Variants in CACNA2D1 observed in about 807,000 individuals in gnomAD.
The protein encoded by CACNA2D1 is calcium voltage-gated channel auxiliary subunit alpha2delta 1.
Under a neutral mutation model 171.5 loss-of-function variants are expected in CACNA2D1, and 53 were observed. The observed-to-expected ratio is 0.31, with a 90% CI of 0.25 to 0.39. CACNA2D1 has a LOEUF of 0.39. Among genes scored for constraint, CACNA2D1 ranks in the 10% least tolerant of loss-of-function variants. The probability of loss-of-function intolerance (pLI) is 1.00; values close to 1 mark genes in which losing one functional copy is unlikely to be tolerated. For synonymous variants in CACNA2D1, 442 were observed against 443.1 expected (o/e 1.00, Z 0.03); for missense variants, 903 against 1,299.8 (o/e 0.69, Z 4.69).
At chr7:82,212,716 TTACAA>T (rs1389602906) in intron 3 of CACNA2D1, among the ~76,000 whole-genome samples, 4 of 152,242 alleles carry the variant, frequency 2.6e-5, no homozygotes, top group South Asian at 2.1e-4. Flanking sequence ...TCAGTTTATG[TTACAA>T]TACATTTTTT....
At chr7:82,265,166 C>T (rs1047222159) in intron 3 of CACNA2D1, among the ~76,000 whole-genome samples, 3 of 152,152 alleles carry the variant, frequency 2.0e-5, no homozygotes, top group South Asian at 2.1e-4. Flanking sequence ...ATCTGACAGG[C>T]GATACATGGC....
intron 1 of CACNA2D1, among the ~76,000 whole-genome samples, chr7:82,380,739 C>T (rs1035545175): frequency 6.6e-6 from 1 of 152,034 alleles, no homozygotes; most frequent in Admixed American, 6.6e-5. Flanking sequence ...CTGTCACCCA[C>T]ACTGGTGTGC....
chr7:82,144,733 C>T (rs1402390714), intron 4 of CACNA2D1, among the ~76,000 whole-genome samples: 4 of 151,932 alleles, frequency 2.6e-5, no homozygotes, highest in Non-Finnish European at 4.4e-5. Flanking sequence ...TAATCATTAC[C>T]ATTTTTAAAA....
chr7:82,282,140 T>C (rs1810189570), intron 3 of CACNA2D1, among the ~76,000 whole-genome samples: 1 of 151,742 alleles, frequency 6.6e-6, no homozygotes. Context: ...CTACTAAAAA[T>C]ACAAAAAGTT....
At chr7:82,171,117 T>C (rs572346103) in intron 3 of CACNA2D1, among the ~76,000 whole-genome samples, 2 of 152,204 alleles carry the variant, frequency 1.3e-5, no homozygotes, top group South Asian at 2.1e-4. Flanking sequence ...ACATCTTTAG[T>C]AGTTCTTTCA....
intron 5 of CACNA2D1, among the ~76,000 whole-genome samples, chr7:82,123,212 T>TTATTG (rs1170288760): frequency 5.9e-5 from 9 of 152,204 alleles, no homozygotes; most frequent in African/African-American, 2.2e-4. Context: ...GTCTACCTTT[T>TTATTG]TATTGGTTTT....
At chr7:82,419,632 A>G (rs1349154211) in intron 1 of CACNA2D1, among the ~76,000 whole-genome samples, 1 of 152,236 alleles carries the variant, frequency 6.6e-6, no homozygotes, top group Admixed American at 6.5e-5. Context: ...TTAGAAAATA[A>G]TTTGAACTAC....
intron 3 of CACNA2D1, among the ~76,000 whole-genome samples, chr7:82,229,821 T>C (rs2129274285): frequency 1.3e-5 from 2 of 152,172 alleles, no homozygotes; most frequent in East Asian, 1.9e-4. Context: ...TGAGCCACCA[T>C]GACCAGCCTC....
intron 10 of CACNA2D1, among the ~76,000 whole-genome samples, chr7:82,052,128 T>C (rs1404029920): frequency 6.6e-6 from 1 of 152,180 alleles, no homozygotes; most frequent in Non-Finnish European, 1.5e-5. Flanking sequence ...AAAGTGTTAA[T>C]ATAGATTGCA....
intron 12 of CACNA2D1, among the ~76,000 whole-genome samples, chr7:82,032,393 G>T (rs938989814): frequency 1.6e-4 from 25 of 151,580 alleles, no homozygotes; most frequent in African/African-American, 6.1e-4. Context: ...CATTTTTTGA[G>T]TATTTAGGAA....
chr7:82,002,106 A>T (rs917814598), intron 18 of CACNA2D1, among the ~76,000 whole-genome samples: 1 of 149,832 alleles, frequency 6.7e-6, no homozygotes, highest in South Asian at 2.1e-4. Flanking sequence ...AAATATTTTT[A>T]ATGTCCATCC....
chr7:82,143,002 T>C (rs553266561), intron 4 of CACNA2D1, among the ~76,000 whole-genome samples: 1 of 152,224 alleles, frequency 6.6e-6, no homozygotes, highest in South Asian at 2.1e-4. Context: ...ACTGTGTGAA[T>C]AAAAGAACTT....
At chr7:82,313,526 C>G (rs1001678154) in intron 3 of CACNA2D1, among the ~76,000 whole-genome samples, 1 of 152,164 alleles carries the variant, frequency 6.6e-6, no homozygotes, top group African/African-American at 2.4e-5. Context: ...GTTTCATCTG[C>G]CTAATGAGAC....
Position 82,332,565 on chromosome 7 carries a change from A to AGAAAGAAC in CACNA2D1, c.294+2569_294+2570insGTTCTTTC, listed in dbSNP as rs1491481168. 5.8e-3 allele frequency among the ~76,000 whole-genome samples: 628 copies of AGAAAGAAC among 109,170 alleles called. 4 individuals are homozygous for AGAAAGAAC. The highest frequency in any genetic ancestry group is 8.6e-3 in the Non-Finnish European group (390 of 45,174). The allele number at this position is 109,170 out of a possible 152,430, so 71.6% of individuals were successfully genotyped here. On this transcript the variant is annotated intron_variant, in intron 3 of 38. Coordinates refer to ENST00000356860, the MANE Select transcript of CACNA2D1 (RefSeq NM_000722.4). ...AAGAAAGAAAGAAAGAAAGAAAGAAAGAACGAACAGAAAATTTTTGAGGGT... is the reference window on the plus strand; with the variant it reads ...AAGAAAGAAAGAAAGAAAGAAAGAAAGAAAGAACGAACGAACAGAAAATTTTTGAGGGT...
chr7:82,103,655 TTG>T (rs1812961080), intron 6 of CACNA2D1, among the ~76,000 whole-genome samples: 2 of 136,112 alleles, frequency 1.5e-5, no homozygotes, highest in Admixed American at 1.5e-4. Flanking sequence ...AAATAAACAT[TTG>T]TGTGTGTATA....
chr7:82,169,274 TA>T (rs1162499450), intron 4 of CACNA2D1, among the ~76,000 whole-genome samples: 1 of 152,022 alleles, frequency 6.6e-6, no homozygotes, highest in African/African-American at 2.4e-5. Context: ...TTTTCCTTAA[TA>T]TATCATGGAT....
chr7:82,060,536 A>G lies in CACNA2D1; in HGVS notation c.780-9T>C, dbSNP rs1406888997. ...CACTAACACTTCCACTCCTAGAAAT[A>G]GACAAATGGGTCCATACATGTTACT... is the stretch of plus-strand genomic sequence containing the variant. On this transcript the variant is annotated splice_polypyrimidine_tract_variant and intron_variant, in intron 9 of 38. Coordinates refer to ENST00000356860, the MANE Select transcript of CACNA2D1 (RefSeq NM_000722.4). The G allele has an allele frequency of 6.6e-7, 1 of 1,526,186 alleles. No individual in the cohort carries two copies. Among genetic ancestry groups the G allele is most frequent in the Admixed American group, 1.7e-5 (1 of 59,652 alleles). 94.5% of individuals were successfully genotyped at this position (1,526,186 alleles called of 1,614,324 possible).
intron 3 of CACNA2D1, among the ~76,000 whole-genome samples, chr7:82,284,638 G>A (rs1321215474): frequency 1.3e-5 from 2 of 152,158 alleles, no homozygotes; most frequent in African/African-American, 4.8e-5. Context: ...GAGCTGAAGA[G>A]CAAGGAAGGT....
At chr7:82,403,796 A>G (rs1286034416) in intron 1 of CACNA2D1, among the ~76,000 whole-genome samples, 1 of 152,178 alleles carries the variant, frequency 6.6e-6, no homozygotes, top group African/African-American at 2.4e-5. Context: ...TCTCCTTCCA[A>G]GGCTGACAGT....
Sources: allele counts gnomAD v4.1 joint callset (sites outside exome capture counted in the v4.1 genomes callset), GRCh38; gene constraint gnomAD v4.1.1; transcripts MANE v1.5; gene names NCBI Gene and HGNC (gene_info 2026-07-23, HGNC 2026-07-21).